ARHGAP10: variants seen among roughly 807,000 people sequenced by gnomAD.
ARHGAP10 encodes rho GTPase-activating protein 10.
A neutral mutation model predicts 108.6 loss-of-function variants in ARHGAP10; 87 were observed. That is an observed-to-expected ratio of 0.80 (90% CI 0.67 to 0.96). ARHGAP10 has a LOEUF of 0.96. Among genes scored for constraint, ARHGAP10 ranks in the 40% least tolerant of loss-of-function variants. The pLI is 0.00. For synonymous variants in ARHGAP10, 347 were observed against 341.1 expected (o/e 1.02, Z -0.19); for missense variants, 939 against 954.5 (o/e 0.98, Z 0.21).
chr4:148,003,323 C>G (rs1007980550), intron 18 of ARHGAP10, among the ~76,000 whole-genome samples: 1 of 152,148 alleles, frequency 6.6e-6, no homozygotes. Flanking sequence ...GTGAGGAGTG[C>G]TTTACTTCCA....
chr4:148,070,342 A>G (rs1560903503), intron 22 of ARHGAP10, among the ~76,000 whole-genome samples: 3 of 152,182 alleles, frequency 2.0e-5, no homozygotes, highest in South Asian at 2.1e-4. Flanking sequence ...TTCAGGCCCA[A>G]GGGAACAGCT....
At chr4:148,037,610 G>A (rs924806539) in intron 19 of ARHGAP10, among the ~76,000 whole-genome samples, 2 of 152,124 alleles carry the variant, frequency 1.3e-5, no homozygotes, top group East Asian at 1.9e-4. Flanking sequence ...CAAGGCAGGG[G>A]CGGATCATGA....
intron 1 of ARHGAP10, among the ~76,000 whole-genome samples, chr4:147,746,462 G>A (rs186094419): frequency 1.3e-5 from 2 of 150,766 alleles, no homozygotes; most frequent in East Asian, 2.0e-4. Flanking sequence ...ATGCAGCGGC[G>A]CGATCTTGGC....
intron 1 of ARHGAP10, among the ~76,000 whole-genome samples, chr4:147,796,952 G>A (rs559505664): frequency 2.0e-5 from 3 of 152,100 alleles, no homozygotes; most frequent in African/African-American, 7.2e-5. Context: ...GTTGATTTTA[G>A]CTCTGAAATG....
At chr4:148,062,365 A>G (rs1383238957) in intron 20 of ARHGAP10, among the ~76,000 whole-genome samples, 2 of 152,222 alleles carry the variant, frequency 1.3e-5, no homozygotes, top group African/African-American at 2.4e-5. Flanking sequence ...TCTTAGGTGA[A>G]GAGCACCTGG....
At chr4:147,957,523 G>C (rs867408369) in intron 16 of ARHGAP10, among the ~76,000 whole-genome samples, 1 of 152,190 alleles carries the variant, frequency 6.6e-6, no homozygotes, top group African/African-American at 2.4e-5. Flanking sequence ...CAGCTTACCT[G>C]GTTTTGCTCA....
intron 18 of ARHGAP10, among the ~76,000 whole-genome samples, chr4:148,013,807 A>G (rs1741252799): frequency 6.6e-6 from 1 of 152,234 alleles, no homozygotes; most frequent in African/African-American, 2.4e-5. Flanking sequence ...TTAATTCTAA[A>G]TGTATTTACT....
intron 1 of ARHGAP10, among the ~76,000 whole-genome samples, chr4:147,759,682 A>G (rs1437455183): frequency 6.6e-6 from 1 of 151,996 alleles, no homozygotes; most frequent in African/African-American, 2.4e-5. Context: ...CAGCATAAAA[A>G]TGATTGAGAT....
intron 10 of ARHGAP10, among the ~76,000 whole-genome samples, chr4:147,906,321 G>A (rs1052195354): frequency 6.6e-6 from 1 of 152,204 alleles, no homozygotes; most frequent in Non-Finnish European, 1.5e-5. Flanking sequence ...TAAGAAAAAT[G>A]TGGTATATAC....
At chr4:148,058,431 T>C (rs1484268533) in intron 20 of ARHGAP10, among the ~76,000 whole-genome samples, 3 of 152,230 alleles carry the variant, frequency 2.0e-5, no homozygotes. Context: ...TGAATTTAGA[T>C]TGCATTCAGT....
intron 18 of ARHGAP10, among the ~76,000 whole-genome samples, chr4:147,967,439 G>A (rs775035075): frequency 1.1e-4 from 17 of 152,212 alleles, no homozygotes; most frequent in Non-Finnish European, 7.3e-5. Flanking sequence ...AATATGCTTA[G>A]GCATTGCATC....
At chr4:147,854,716 A>G in intron 4 of ARHGAP10, 1 of 984,440 alleles carries the variant, frequency 1.0e-6, no homozygotes, top group Non-Finnish European at 1.2e-6. Context: ...ATAATACTCT[A>G]TAATGACATT....
At position 147,855,452 on chromosome 4, in the gene ARHGAP10, A is replaced by T. The variant is rs1481117832; in HGVS notation, c.385-2101A>T. On this transcript the variant is annotated intron_variant, in intron 4 of 22. Transcript: ENST00000336498. The stretch of plus-strand genomic sequence containing the variant: ...AATACATTGGACTTAGTTGTAAATT[A>T]AAAAAACCTAGAGCGTAAAGAAAAA... 2.0e-5 allele frequency among the ~76,000 whole-genome samples: 3 copies of T among 152,202 alleles called. No individual in the cohort carries two copies. In the East Asian group the frequency reaches 5.8e-4, roughly 29 times the overall value.
At chr4:148,017,389 T>C (rs1382005046) in intron 18 of ARHGAP10, among the ~76,000 whole-genome samples, 1 of 152,128 alleles carries the variant, frequency 6.6e-6, no homozygotes, top group East Asian at 1.9e-4. Flanking sequence ...ATCAAATAAT[T>C]CATTCCAAAA....
chr4:147,914,280 A>G (rs940835445), intron 13 of ARHGAP10, among the ~76,000 whole-genome samples: 1 of 152,114 alleles, frequency 6.6e-6, no homozygotes, highest in Non-Finnish European at 1.5e-5. Flanking sequence ...ATACACAGAA[A>G]ATTTCTGTTT....
chr4:147,818,074 C>T (rs1732324928), intron 1 of ARHGAP10, among the ~76,000 whole-genome samples: 1 of 151,786 alleles, frequency 6.6e-6, no homozygotes. Context: ...CCTTTGCCTC[C>T]AGGACTTATT....
intron 1 of ARHGAP10, among the ~76,000 whole-genome samples, chr4:147,782,331 C>T (rs1395319888): frequency 6.6e-6 from 1 of 152,062 alleles, no homozygotes; most frequent in Non-Finnish European, 1.5e-5. Context: ...TGTGTAGTGT[C>T]ATGGAGTGCT....
chr4:147,847,525 G>A (rs1733685056), intron 4 of ARHGAP10, among the ~76,000 whole-genome samples: 1 of 152,180 alleles, frequency 6.6e-6, no homozygotes, highest in Non-Finnish European at 1.5e-5. Context: ...TGGGGGGAGT[G>A]TAGTTATTTC....
chr4:147,780,069 A>G (rs1257046365), intron 1 of ARHGAP10, among the ~76,000 whole-genome samples: 1 of 152,234 alleles, frequency 6.6e-6, no homozygotes, highest in African/African-American at 2.4e-5. Flanking sequence ...ATGAACACTT[A>G]CAGATTTGTT....
Sources: allele counts gnomAD v4.1 joint callset (sites outside exome capture counted in the v4.1 genomes callset), GRCh38; gene constraint gnomAD v4.1.1; transcripts MANE v1.5; gene names NCBI Gene and HGNC (gene_info 2026-07-23, HGNC 2026-07-21).